The following TTC7B variants were observed in gnomAD, a reference collection of about 807,000 sequenced individuals.
The protein encoded by TTC7B is tetratricopeptide repeat domain 7B, also known as tetratricopeptide repeat protein 7B.
Under a neutral mutation model 106.8 loss-of-function variants are expected in TTC7B, and 28 were observed. The ratio of observed to expected loss-of-function variants is 0.26; its 90% CI spans 0.19 to 0.36. The LOEUF is 0.36. TTC7B is among the 10% of genes least tolerant of loss of function. The probability of loss-of-function intolerance (pLI) is 1.00; values close to 1 mark genes in which losing one functional copy is unlikely to be tolerated. For synonymous variants in TTC7B, 405 were observed against 430.6 expected, an observed-to-expected ratio of 0.94 and a Z score of 0.74; for missense variants, 862 against 1,076.4, an observed-to-expected ratio of 0.80 and a Z score of 2.79.
intron 16 of TTC7B, among the ~76,000 whole-genome samples, chr14:90,612,177 A>G (rs528560511): frequency 6.6e-6 from 1 of 152,218 alleles, no homozygotes. Context: ...GTCAGCCTAT[A>G]CTTATTACAT....
At chr14:90,636,410 C>T (rs1231727136) in intron 15 of TTC7B, among the ~76,000 whole-genome samples, 1 of 120,298 alleles carries the variant, frequency 8.3e-6, no homozygotes, top group Non-Finnish European at 1.7e-5. Context: ...AAAGGAAAAA[C>T]TGCTATAACG....
rs745448268 is a variant in TTC7B, at chr14:90,814,177, A to C, written c.121+1998T>G. ...CCGCAAACCCCGATCCCCAAGCCCCACTCATGACTGCATCTTAGGACATTG... is the reference window on the plus strand; with the variant it reads ...CCGCAAACCCCGATCCCCAAGCCCCCCTCATGACTGCATCTTAGGACATTG... On this transcript the variant is annotated intron_variant, in intron 1 of 19. Transcript: ENST00000328459. Among the ~76,000 whole-genome samples the C allele has an allele frequency of 6.8e-4, 104 of 152,116 alleles. 1 individual carries two copies. Among genetic ancestry groups the C allele is most frequent in the Non-Finnish European group, 8.1e-4 (55 of 67,984 alleles).
At chr14:90,616,905 T>C (rs1893105938) in intron 16 of TTC7B, among the ~76,000 whole-genome samples, 1 of 152,182 alleles carries the variant, frequency 6.6e-6, no homozygotes, top group East Asian at 1.9e-4. Flanking sequence ...GACACCTTAC[T>C]AGGAAAGTAA....
At chr14:90,586,317 C>T (rs1240766507) in intron 18 of TTC7B, among the ~76,000 whole-genome samples, 1 of 152,186 alleles carries the variant, frequency 6.6e-6, no homozygotes, top group African/African-American at 2.4e-5. Context: ...GTTGCTCAGG[C>T]TGGAGTGCAG....
At chr14:90,712,666 G>C (rs1888494173) in intron 5 of TTC7B, among the ~76,000 whole-genome samples, 1 of 152,054 alleles carries the variant, frequency 6.6e-6, no homozygotes, top group Non-Finnish European at 1.5e-5. Context: ...ATTTGCTACT[G>C]TGAATCTGGC....
At chr14:90,662,520 T>G (rs1363869157) in intron 9 of TTC7B, among the ~76,000 whole-genome samples, 1 of 152,154 alleles carries the variant, frequency 6.6e-6, no homozygotes, top group African/African-American at 2.4e-5. Context: ...CCCAACAAGT[T>G]GTAGAGCTTC....
intron 5 of TTC7B, among the ~76,000 whole-genome samples, chr14:90,716,441 C>T (rs1888659510): frequency 6.6e-6 from 1 of 152,174 alleles, no homozygotes; most frequent in Non-Finnish European, 1.5e-5. Context: ...CGAAGTGTGG[C>T]TAAAGTTTGG....
chr14:90,574,115 G>A (rs985492890), intron 19 of TTC7B, among the ~76,000 whole-genome samples: 27 of 152,118 alleles, frequency 1.8e-4, no homozygotes, highest in African/African-American at 6.5e-4. Context: ...TGTCCACCAT[G>A]AGCCATGCTT....
chr14:90,766,115 G>C (rs1316534898), intron 3 of TTC7B, among the ~76,000 whole-genome samples: 1 of 148,562 alleles, frequency 6.7e-6, no homozygotes, highest in Non-Finnish European at 1.5e-5. Flanking sequence ...CTGATCCTTG[G>C]CACAAAGACA....
chr14:90,573,499 A>G (rs1309868345), intron 19 of TTC7B, among the ~76,000 whole-genome samples: 5 of 84,444 alleles, frequency 5.9e-5, no homozygotes, highest in East Asian at 2.9e-4. Context: ...GGTCCCTCTC[A>G]GCTCACGGTC....
intron 19 of TTC7B, among the ~76,000 whole-genome samples, chr14:90,556,916 G>T (rs973536395): frequency 3.3e-5 from 5 of 152,114 alleles, no homozygotes; most frequent in East Asian, 1.9e-4. Flanking sequence ...GCCAGGGAAC[G>T]GGGGGGACAT....
chr14:90,546,847 C>T (rs766981036), intron 19 of TTC7B, among the ~76,000 whole-genome samples: 3 of 152,250 alleles, frequency 2.0e-5, no homozygotes, highest in Non-Finnish European at 2.9e-5. Context: ...TCACCAACAG[C>T]GCTAAGCATT....
chr14:90,639,781 C>A (rs1307093431), intron 15 of TTC7B, among the ~76,000 whole-genome samples: 1 of 152,188 alleles, frequency 6.6e-6, no homozygotes, highest in African/African-American at 2.4e-5. Context: ...TATCTATTCA[C>A]AGTAGACTAA....
intron 5 of TTC7B, among the ~76,000 whole-genome samples, chr14:90,700,567 A>G (rs1169499894): frequency 6.6e-6 from 1 of 151,194 alleles, no homozygotes; most frequent in East Asian, 2.0e-4. Context: ...ATATTCCCAG[A>G]CCCCTTTCCC....
chr14:90,788,283 A>G (rs962787924), intron 1 of TTC7B, among the ~76,000 whole-genome samples: 1 of 152,198 alleles, frequency 6.6e-6, no homozygotes, highest in African/African-American at 2.4e-5. Context: ...GCCGGTCCAG[A>G]CACCAGCCAG....
At chr14:90,812,405 T>C (rs897444997) in intron 1 of TTC7B, among the ~76,000 whole-genome samples, 3 of 152,194 alleles carry the variant, frequency 2.0e-5, no homozygotes, top group African/African-American at 7.2e-5. Context: ...TCTTTATCCC[T>C]GAGCGCTCAG....
At chr14:90,734,421 C>CAAA (rs34498613) in intron 4 of TTC7B, among the ~76,000 whole-genome samples, 4 of 119,772 alleles carry the variant, frequency 3.3e-5, no homozygotes, top group South Asian at 2.8e-4. Flanking sequence ...CTCTGTCTCC[C>CAAA]AAAAAAAAAA....
intron 15 of TTC7B, among the ~76,000 whole-genome samples, chr14:90,623,361 A>C (rs1884293943): frequency 6.6e-6 from 1 of 152,230 alleles, no homozygotes. Flanking sequence ...TATTGGTAGA[A>C]TGGAAATGTA....
chr14:90,564,520 T>C (rs1032535102), intron 19 of TTC7B, among the ~76,000 whole-genome samples: 9 of 152,178 alleles, frequency 5.9e-5, no homozygotes, highest in African/African-American at 9.7e-5. Flanking sequence ...AGCATATCCA[T>C]TGAAGCTTTG....
Sources: allele counts gnomAD v4.1 joint callset (sites outside exome capture counted in the v4.1 genomes callset), GRCh38; gene constraint gnomAD v4.1.1; transcripts MANE v1.5; gene names NCBI Gene and HGNC (gene_info 2026-07-23, HGNC 2026-07-21).